Variants in MAGI2 observed in about 807,000 individuals in gnomAD.
MAGI2 encodes membrane associated guanylate kinase, WW and PDZ domain containing 2.
Under a neutral mutation model 133.3 loss-of-function variants are expected in MAGI2, and 35 were observed. The ratio of observed to expected loss-of-function variants is 0.26; its 90% CI spans 0.20 to 0.35. The LOEUF (loss-of-function observed/expected upper bound fraction) is 0.35, where lower values mean the gene tolerates loss of function less well. Among genes scored for constraint, MAGI2 ranks in the 10% least tolerant of loss-of-function variants. The pLI is 1.00. For synonymous variants in MAGI2, 729 were observed against 710.6 expected (o/e 1.03, Z -0.41); for missense variants, 1,636 against 1,863.4 (o/e 0.88, Z 2.25).
chr7:78,878,264 T>TG (rs1411481010), intron 2 of MAGI2, among the ~76,000 whole-genome samples: 1 of 152,214 alleles, frequency 6.6e-6, no homozygotes, highest in Non-Finnish European at 1.5e-5. Flanking sequence ...AACCTGTGCT[T>TG]GGTTTCATAC....
At chr7:78,264,238 G>A (rs1417018999) in intron 9 of MAGI2, among the ~76,000 whole-genome samples, 1 of 152,118 alleles carries the variant, frequency 6.6e-6, no homozygotes, top group African/African-American at 2.4e-5. Context: ...ATGGGAAACT[G>A]AACCTAGAAG....
Position 78,765,984 on chromosome 7 carries a change from AT to A in MAGI2, c.419-138746del, listed in dbSNP as rs1223364448. Among the ~76,000 whole-genome samples the A allele has an allele frequency of 6.6e-5, 10 of 152,302 alleles. No individual in the cohort carries two copies. In the East Asian group the frequency reaches 1.9e-3, roughly 30 times the overall value. ...GGAAGGAAATATGATGCTTTCTAAG[AT>A]CTGAAAGAAAGGCTCTTCATAAACA... is the stretch of plus-strand genomic sequence containing the variant. On this transcript the variant is annotated intron_variant, in intron 2 of 21. Transcript: ENST00000354212.
intron 6 of MAGI2, among the ~76,000 whole-genome samples, chr7:78,387,059 G>A (rs752106581): frequency 6.6e-5 from 10 of 152,294 alleles, no homozygotes; most frequent in Non-Finnish European, 1.3e-4. Flanking sequence ...AGATTGGTAT[G>A]CTACTATAGC....
In MAGI2 at chr7:78,440,196, G is replaced by A. The variant is rs149986129; in HGVS notation, c.1045+49565C>T. On this transcript the variant is annotated intron_variant, in intron 6 of 21. Coordinates refer to ENST00000354212, the MANE Select transcript of MAGI2 (RefSeq NM_012301.4). ...GGATTCATACCTCGATAAAGCTAAG[G>A]CTTGATCATGTAATTTTTCTTCTTC... 4.0e-3 allele frequency among the ~76,000 whole-genome samples: 601 copies of A among 152,114 alleles called. 5 individuals are homozygous for A. The highest frequency in any genetic ancestry group is 0.014 in the African/African-American group (570 of 41,480).
chr7:79,096,212 A>G (rs35975559), intron 1 of MAGI2, among the ~76,000 whole-genome samples: 2,874 of 152,270 alleles, frequency 0.019, 47 homozygotes, highest in Non-Finnish European at 0.031. Flanking sequence ...ACCAATGGGA[A>G]GTAGGCAATG....
intron 9 of MAGI2, among the ~76,000 whole-genome samples, chr7:78,331,534 T>C (rs1789197639): frequency 6.6e-6 from 1 of 152,208 alleles, no homozygotes; most frequent in Non-Finnish European, 1.5e-5. Context: ...ATGCATTTAG[T>C]TATTACTTTT....
chr7:78,396,753 C>G (rs891123968), intron 6 of MAGI2, among the ~76,000 whole-genome samples: 5 of 151,996 alleles, frequency 3.3e-5, no homozygotes, highest in Non-Finnish European at 7.4e-5. Context: ...ATATAAAATG[C>G]TATAAAATGA....
Position 78,127,232 on chromosome 7 carries a change from T to C in MAGI2, c.3388A>G (p.Arg1130Gly), listed in dbSNP as rs1289512839. 6.2e-7 allele frequency: 1 copy of C among 1,604,114 alleles called. No individual in the cohort carries two copies. The highest frequency in any genetic ancestry group is 1.7e-5 in the Admixed American group (1 of 58,484). ...CTGTAGTCCGACAGAGGGTACTGCCTGGTGTCGGGGGAGTGCTGCCTGTAG... is the reference window on the plus strand; with the variant it reads ...CTGTAGTCCGACAGAGGGTACTGCCCGGTGTCGGGGGAGTGCTGCCTGTAG... ...LDYRQHSPDT[R>G]QYPLSDYRQP... The change falls in exon 19 of 22, where the codon AGG becomes GGG. Residue 1130 changes from arginine to glycine, a missense_variant. Physicochemically the swap from Arg to Gly is moderately radical, Grantham distance 125. Transcript: ENST00000354212.
intron 1 of MAGI2, among the ~76,000 whole-genome samples, chr7:79,399,079 C>CTTTTCTTTCTTTTTTTT (rs1585840184): frequency 8.7e-6 from 1 of 114,612 alleles, no homozygotes; most frequent in African/African-American, 3.7e-5. Flanking sequence ...AGTATTATTT[C>CTTTTCTTTCTTTTTTTT]TTTTTTTTTT....
chr7:78,490,583 T>C (rs7785996), intron 5 of MAGI2, among the ~76,000 whole-genome samples: 30,061 of 152,104 alleles, frequency 0.2, 3,404 homozygotes, highest in Non-Finnish European at 0.26. Context: ...GGTTGTGAAA[T>C]AACCTGCATT....
At chr7:78,685,919 A>G (rs1816247466) in intron 2 of MAGI2, among the ~76,000 whole-genome samples, 1 of 151,882 alleles carries the variant, frequency 6.6e-6, no homozygotes, top group Admixed American at 6.6e-5. Context: ...AAATTTCTCA[A>G]AGAAAAAGAA....
chr7:78,955,751 T>TTC (rs1272555578), intron 2 of MAGI2, among the ~76,000 whole-genome samples: 1 of 74,722 alleles, frequency 1.3e-5, no homozygotes, highest in African/African-American at 4.2e-5. Context: ...CTTTCTTTCT[T>TTC]TCTTTCTTTC....
chr7:78,538,952 A>C (rs1798187204), intron 3 of MAGI2, among the ~76,000 whole-genome samples: 1 of 152,252 alleles, frequency 6.6e-6, no homozygotes, highest in Admixed American at 6.5e-5. Flanking sequence ...CATTGAATAT[A>C]AGTGGCCTAA....
intron 6 of MAGI2, among the ~76,000 whole-genome samples, chr7:78,413,766 G>A (rs1304050837): frequency 6.6e-6 from 1 of 152,006 alleles, no homozygotes; most frequent in Non-Finnish European, 1.5e-5. Context: ...GGTCAATCCT[G>A]TCACATGCTA....
intron 2 of MAGI2, among the ~76,000 whole-genome samples, chr7:78,891,094 A>G (rs1230318149): frequency 2.0e-5 from 3 of 152,218 alleles, no homozygotes; most frequent in East Asian, 3.8e-4. Context: ...AGAATACTAT[A>G]AACACCTCTA....
At chr7:78,187,179 T>G (rs1827775332) in intron 12 of MAGI2, among the ~76,000 whole-genome samples, 1 of 152,146 alleles carries the variant, frequency 6.6e-6, no homozygotes, top group Non-Finnish European at 1.5e-5. Context: ...AAATTCACAT[T>G]GTAGGTAGAA....
At chr7:79,407,081 A>AT (rs750178377) in intron 1 of MAGI2, among the ~76,000 whole-genome samples, 2 of 152,112 alleles carry the variant, frequency 1.3e-5, no homozygotes, top group African/African-American at 4.8e-5. Context: ...AAACACATAC[A>AT]TTTTACTAAT....
At chr7:79,165,837 A>T (rs1283944638) in intron 1 of MAGI2, among the ~76,000 whole-genome samples, 1 of 152,112 alleles carries the variant, frequency 6.6e-6, no homozygotes, top group East Asian at 1.9e-4. Context: ...TACAAATTTT[A>T]TAATCTCCCA....
chr7:78,451,586 T>C (rs1788730181), intron 6 of MAGI2, among the ~76,000 whole-genome samples: 1 of 152,050 alleles, frequency 6.6e-6, no homozygotes, highest in Non-Finnish European at 1.5e-5. Flanking sequence ...AGCTGAGGAA[T>C]CTTGGGCATG....
Sources: gnomAD v4.1 joint callset for allele counts (sites outside exome capture counted in the v4.1 genomes callset) on GRCh38, gnomAD v4.1.1 for gene constraint, MANE v1.5 for transcripts, NCBI Gene and HGNC (gene_info 2026-07-23, HGNC 2026-07-21) for gene names.